Variants in ATF7 observed in about 807,000 individuals in gnomAD.
ATF7 encodes the protein activating transcription factor 7, also known as cyclic AMP-dependent transcription factor ATF-7.
A neutral mutation model predicts 50.4 loss-of-function variants in ATF7; 10 were observed. That is an observed-to-expected ratio of 0.20 (90% CI 0.12 to 0.34). The LOEUF (loss-of-function observed/expected upper bound fraction) is 0.34, where lower values mean the gene tolerates loss of function less well. Among genes scored for constraint, ATF7 ranks in the 10% least tolerant of loss-of-function variants. ATF7 has a pLI of 1.00. For synonymous variants in ATF7, 201 were observed against 226.4 expected, an observed-to-expected ratio of 0.89 and a Z score of 1.01; for missense variants, 465 against 613.9, an observed-to-expected ratio of 0.76 and a Z score of 2.56.
intron 1 of ATF7, among the ~76,000 whole-genome samples, chr12:53,617,773 T>C (rs1263020123): frequency 6.6e-6 from 1 of 152,150 alleles, no homozygotes; most frequent in Non-Finnish European, 1.5e-5. Context: ...ATACAACCTT[T>C]CCTGAATTGT....
downstream of ATF7, among the ~76,000 whole-genome samples, chr12:53,510,857 G>A (rs1488077823): frequency 1.3e-5 from 2 of 152,214 alleles, no homozygotes; most frequent in East Asian, 3.8e-4. Context: ...CAGCTTCAGT[G>A]GTGGGAACCT....
chr12:53,529,680 CAT>C (rs1444091919), intron 9 of ATF7, among the ~76,000 whole-genome samples: 14 of 135,618 alleles, frequency 1.0e-4, no homozygotes, highest in South Asian at 4.5e-4. Context: ...TATATACACA[CAT>C]ATATATAAAT....
At chr12:53,561,104 G>C (rs751408540) in intron 2 of ATF7, among the ~76,000 whole-genome samples, 1 of 151,470 alleles carries the variant, frequency 6.6e-6, no homozygotes, top group African/African-American at 2.4e-5. Flanking sequence ...CACCACCATG[G>C]GCTATTGTTT....
chr12:53,519,805 G>C (rs935798623), intron 11 of ATF7, among the ~76,000 whole-genome samples: 1 of 152,040 alleles, frequency 6.6e-6, no homozygotes, highest in African/African-American at 2.4e-5. Context: ...GGAGTGCAGT[G>C]GCACTATTTT....
At chr12:53,521,719 C>T (rs1938138583) in intron 11 of ATF7, among the ~76,000 whole-genome samples, 1 of 152,084 alleles carries the variant, frequency 6.6e-6, no homozygotes, top group Admixed American at 6.6e-5. Flanking sequence ...GTCTGTCTCA[C>T]CCACTAAAAT....
At chr12:53,526,315 C>CCCT (rs376486763) in intron 9 of ATF7, among the ~76,000 whole-genome samples, 146 of 150,440 alleles carry the variant, frequency 9.7e-4, no homozygotes, top group African/African-American at 2.1e-3. Flanking sequence ...CAAGACCAAG[C>CCCT]CCTCCTCCTC....
intron 1 of ATF7, among the ~76,000 whole-genome samples, chr12:53,613,466 A>G (rs573046171): frequency 6.6e-6 from 1 of 152,334 alleles, no homozygotes; most frequent in African/African-American, 2.4e-5. Flanking sequence ...AATATGCTAA[A>G]TATCAACAGA....
chr12:53,584,184 A>G (rs1438896891), intron 2 of ATF7, among the ~76,000 whole-genome samples: 1 of 152,060 alleles, frequency 6.6e-6, no homozygotes, highest in Non-Finnish European at 1.5e-5. Flanking sequence ...GTTTCATCAT[A>G]TTGGCCAGGC....
chr12:53,560,810 G>A (rs1440183620), intron 2 of ATF7, among the ~76,000 whole-genome samples: 3 of 152,124 alleles, frequency 2.0e-5, no homozygotes, highest in African/African-American at 7.2e-5. Flanking sequence ...TTACATTTGT[G>A]ATAGTCTGAA....
At chr12:53,510,456 G>A (rs1466702389), downstream of ATF7, among the ~76,000 whole-genome samples, 2 of 152,204 alleles carry the variant, frequency 1.3e-5, no homozygotes, top group Non-Finnish European at 2.9e-5. Flanking sequence ...AGGTCCAGAG[G>A]AGCAGCGGTG....
Position 53,531,903 on chromosome 12 carries a change from G to T in ATF7, c.775-7C>A, listed in dbSNP as rs912046730. 1.9e-6 allele frequency: 3 copies of T among 1,612,490 alleles called. No homozygotes were observed. Among genetic ancestry groups the T allele is most frequent in the Non-Finnish European group, 8.5e-7 (1 of 1,179,562 alleles). ...TTAGGGTGGCTTTCAGTCTCTGTGG[G>T]CAAAGATAAGAAAAAATGCTTGTTA... On this transcript the variant is annotated splice_polypyrimidine_tract_variant and splice_region_variant and intron_variant, in intron 8 of 11. Transcript: ENST00000420353.
At chr12:53,590,945 G>A (rs1942913013) in intron 2 of ATF7, among the ~76,000 whole-genome samples, 1 of 152,176 alleles carries the variant, frequency 6.6e-6, no homozygotes, top group African/African-American at 2.4e-5. Context: ...TATTGTTATA[G>A]TAGATACATA....
chr12:53,569,709 C>G (rs1316041403), intron 2 of ATF7, among the ~76,000 whole-genome samples: 1 of 151,376 alleles, frequency 6.6e-6, no homozygotes, highest in Non-Finnish European at 1.5e-5. Context: ...GAGTCTCGCT[C>G]TGTCGCCCAG....
intron 2 of ATF7, among the ~76,000 whole-genome samples, chr12:53,560,995 G>A (rs567981827): frequency 4.0e-5 from 6 of 149,958 alleles, no homozygotes; most frequent in Non-Finnish European, 5.9e-5. Flanking sequence ...GCTCAGGCTG[G>A]AGTGCAGTGA....
chr12:53,549,016 G>A (rs949117651), intron 3 of ATF7, among the ~76,000 whole-genome samples: 1 of 151,608 alleles, frequency 6.6e-6, no homozygotes, highest in African/African-American at 2.4e-5. Flanking sequence ...GCCGGGCACA[G>A]TGGCTTATGC....
intron 2 of ATF7, among the ~76,000 whole-genome samples, chr12:53,557,310 C>T (rs1287447547): frequency 1.3e-5 from 2 of 152,068 alleles, no homozygotes; most frequent in East Asian, 1.9e-4. Context: ...TACGCAATCC[C>T]CCCACCCCAG....
chr12:53,596,548 T>C (rs1943166764), intron 2 of ATF7, among the ~76,000 whole-genome samples: 1 of 152,170 alleles, frequency 6.6e-6, no homozygotes, highest in Non-Finnish European at 1.5e-5. Context: ...ACCTGTGTCA[T>C]GTGCCTGAGA....
At position 53,517,332 on chromosome 12, in the gene ATF7, CT is replaced by C; in HGVS notation, c.1256del (p.Glu419GlyfsTer9). ...TCACAGGGGCTGGAGAACCCGTTGG[CT>C]CTGAGCTTTCCTTGGGGCTTTCTGC... ...GYLESPKESSEPTGSPAPVIQ... is the reference protein window; with the variant it reads ...GYLESPKESSXPTGSPAPVIQ... On this transcript the variant is annotated frameshift_variant, in exon 12 of 12. Transcript: ENST00000420353. LOFTEE classifies it high-confidence loss of function. 1 of 1,613,752 alleles carries C rather than the reference CT, an allele frequency of 6.2e-7. No homozygotes were observed.
intron 2 of ATF7, among the ~76,000 whole-genome samples, chr12:53,581,569 A>G (rs945934166): frequency 1.3e-5 from 2 of 152,184 alleles, no homozygotes; most frequent in African/African-American, 4.8e-5. Flanking sequence ...CTTAGATTAA[A>G]TAACATACTT....
Sources: allele counts gnomAD v4.1 joint callset (sites outside exome capture counted in the v4.1 genomes callset), GRCh38; gene constraint gnomAD v4.1.1; transcripts MANE v1.5; gene names NCBI Gene and HGNC (gene_info 2026-07-23, HGNC 2026-07-21).